KCNJ6: variants seen among roughly 807,000 people sequenced by gnomAD.
KCNJ6 encodes the protein G protein-activated inward rectifier potassium channel 2.
In KCNJ6, 9 loss-of-function variants were observed where a neutral mutation model predicts 34.2. The ratio of observed to expected loss-of-function variants is 0.26; its 90% CI spans 0.16 to 0.46. The LOEUF is 0.46. KCNJ6 is among the 20% of genes least tolerant of loss of function. The pLI is 1.00. For synonymous variants in KCNJ6, 196 were observed against 207.1 expected, an observed-to-expected ratio of 0.95 and a Z score of 0.46; for missense variants, 236 against 531.3, an observed-to-expected ratio of 0.44 and a Z score of 5.46.
At position 37,688,900 on chromosome 21, in the gene KCNJ6, G is replaced by C. The variant is rs7281030; in HGVS notation, c.946+25311C>G. 8.1e-3 allele frequency among the ~76,000 whole-genome samples: 1,236 copies of C among 152,288 alleles called. 14 individuals are homozygous for C. The highest frequency in any genetic ancestry group is 0.028 in the African/African-American group (1,150 of 41,562). ...CACATCCAAAGAGGGGATGATGGCA[G>C]TCAAATGGAACAGGTTTGAATATGT... On this transcript the variant is annotated intron_variant, in intron 3 of 3. Transcript: ENST00000609713.
chr21:37,904,066 C>A (rs374316974), intron 1 of KCNJ6, among the ~76,000 whole-genome samples: 1 of 152,178 alleles, frequency 6.6e-6, no homozygotes, highest in Non-Finnish European at 1.5e-5. Context: ...TAATTAAATT[C>A]TCCTATCCCA....
intron 1 of KCNJ6, among the ~76,000 whole-genome samples, chr21:37,896,196 C>T (rs1398013562): frequency 6.6e-6 from 1 of 152,192 alleles, no homozygotes; most frequent in Non-Finnish European, 1.5e-5. Flanking sequence ...AGAACTCACT[C>T]ACTATGGCGA....
chr21:37,725,916 T>TTTTTTTG (rs1201977481), intron 2 of KCNJ6, among the ~76,000 whole-genome samples: 4 of 152,220 alleles, frequency 2.6e-5, no homozygotes, highest in Non-Finnish European at 5.9e-5. Context: ...TTGTTTTTTG[T>TTTTTTTG]TTTTTTGAGA....
At position 37,625,182 on chromosome 21, in the gene KCNJ6, G is replaced by A; in HGVS notation, c.1249C>T (p.Leu417=). Residue 417 remains leucine (L), a synonymous_variant, in exon 4 of 4, where the codon CTG becomes TTG. Transcript: ENST00000609713. The part of the protein sequence containing the change: ...QTERNGDVAN[L]ENESKV ...CACTAAACTTTGGATTCATTCTCCA[G>A]GTTTGCCACATCACCATTTCTTTCT... is the stretch of plus-strand genomic sequence containing the variant. 1.2e-6 allele frequency: 2 copies of A among 1,614,046 alleles called. No individual in the cohort carries two copies. Among genetic ancestry groups the A allele is most frequent in the Non-Finnish European group, 1.7e-6 (2 of 1,179,924 alleles).
chr21:37,720,732 G>A (rs1291632095), intron 2 of KCNJ6, among the ~76,000 whole-genome samples: 4 of 143,642 alleles, frequency 2.8e-5, no homozygotes, highest in East Asian at 2.0e-4. Flanking sequence ...ACGGAGTCTC[G>A]CTCTGTCGCC....
At chr21:37,648,439 TC>T (rs1332696760) in intron 3 of KCNJ6, among the ~76,000 whole-genome samples, 2 of 152,220 alleles carry the variant, frequency 1.3e-5, no homozygotes, top group African/African-American at 4.8e-5. Context: ...GTTATAGACA[TC>T]AACATTTTAG....
chr21:37,624,625 G>T lies in KCNJ6; in HGVS notation c.*534C>A, dbSNP rs1304558388. On this transcript the variant is annotated 3_prime_UTR_variant, in exon 4 of 4. Coordinates refer to ENST00000609713, the MANE Select transcript of KCNJ6 (RefSeq NM_002240.5). ...TACAAAAAGAAAATAATTACATAAG[G>T]CATATATATGTACAGTGGTTTGTCT... 1 of 154,782 alleles carries T rather than the reference G, an allele frequency of 6.5e-6. No individual in the cohort carries two copies. The highest frequency in any genetic ancestry group is 1.4e-5 in the Non-Finnish European group (1 of 69,916). The allele number at this position is 154,782 out of a possible 1,614,324, so 9.6% of individuals were successfully genotyped here. A position where few individuals can be genotyped will look rare whatever the true frequency, so the allele number is the denominator to read the frequency against.
intron 1 of KCNJ6, among the ~76,000 whole-genome samples, chr21:37,895,558 G>C (rs1203782832): frequency 6.6e-6 from 1 of 152,084 alleles, no homozygotes; most frequent in South Asian, 2.1e-4. Flanking sequence ...TCATTCTTTG[G>C]AAGCACCTGA....
chr21:37,849,558 C>G (rs897758390), intron 1 of KCNJ6, among the ~76,000 whole-genome samples: 13 of 152,206 alleles, frequency 8.5e-5, no homozygotes, highest in African/African-American at 3.1e-4. Context: ...TCCCAGCTCC[C>G]CGCATTCCAT....
At chr21:37,846,428 G>A (rs1347549694) in intron 1 of KCNJ6, among the ~76,000 whole-genome samples, 1 of 150,410 alleles carries the variant, frequency 6.6e-6, no homozygotes, top group Non-Finnish European at 1.5e-5. Flanking sequence ...GGATGGGGAA[G>A]AGGAGATTGA....
intron 2 of KCNJ6, among the ~76,000 whole-genome samples, chr21:37,728,575 AT>A (rs527442798): frequency 7.2e-5 from 11 of 152,310 alleles, no homozygotes; most frequent in Non-Finnish European, 1.5e-4. Context: ...AAGAGCTACG[AT>A]GCTATAGCTC....
At position 37,809,248 on chromosome 21, in the gene KCNJ6, C is replaced by A. The variant is rs542232142; in HGVS notation, c.25+31410G>T. 2.7e-3 allele frequency among the ~76,000 whole-genome samples: 418 copies of A among 152,108 alleles called. 5 individuals are homozygous for A. The highest frequency in any genetic ancestry group is 9.5e-3 in the African/African-American group (394 of 41,474). On this transcript the variant is annotated intron_variant, in intron 2 of 3. Coordinates refer to ENST00000609713, the MANE Select transcript of KCNJ6 (RefSeq NM_002240.5). ...TAGGGACATGGATGAAACTGGAAAC[C>A]ATCATTCTCAGCAAACTATCGCAAG...
intron 2 of KCNJ6, among the ~76,000 whole-genome samples, chr21:37,831,415 A>T (rs768683641): frequency 7.2e-5 from 11 of 152,204 alleles, no homozygotes; most frequent in Non-Finnish European, 5.9e-5. Context: ...AGCCCTTCTT[A>T]GTATCCACTG....
chr21:37,832,304 T>C (rs943770228), intron 2 of KCNJ6, among the ~76,000 whole-genome samples: 29 of 151,730 alleles, frequency 1.9e-4, no homozygotes, highest in Non-Finnish European at 4.1e-4. Flanking sequence ...CACCATCTAG[T>C]GGGCCTGGAG....
At chr21:37,696,549 A>G (rs1439791098) in intron 3 of KCNJ6, among the ~76,000 whole-genome samples, 6 of 152,218 alleles carry the variant, frequency 3.9e-5, no homozygotes, top group Admixed American at 3.9e-4. Context: ...GAAGAATTCC[A>G]CTAGATAATA....
chr21:37,631,607 A>G (rs958183961), intron 3 of KCNJ6, among the ~76,000 whole-genome samples: 2 of 152,160 alleles, frequency 1.3e-5, no homozygotes, highest in Admixed American at 6.5e-5. Flanking sequence ...TGAGGAATGA[A>G]TCGTCTGAGG....
At chr21:37,786,894 A>G (rs1421685166) in intron 2 of KCNJ6, among the ~76,000 whole-genome samples, 3 of 152,190 alleles carry the variant, frequency 2.0e-5, no homozygotes. Flanking sequence ...AGTTTTAGCT[A>G]TGATTGTTTA....
At chr21:37,750,816 C>T (rs2054991689) in intron 2 of KCNJ6, among the ~76,000 whole-genome samples, 1 of 152,108 alleles carries the variant, frequency 6.6e-6, no homozygotes, top group Admixed American at 6.5e-5. Flanking sequence ...CACCATGGCA[C>T]ATGTATACCT....
rs2054561947 is a variant in KCNJ6, at chr21:37,675,741, A to G, written c.946+38470T>C. 6.6e-6 allele frequency among the ~76,000 whole-genome samples: 1 copy of G among 152,212 alleles called. No individual in the cohort carries two copies. The highest frequency in any genetic ancestry group is 1.5e-5 in the Non-Finnish European group (1 of 68,034). On this transcript the variant is annotated intron_variant, in intron 3 of 3. Coordinates refer to ENST00000609713, the MANE Select transcript of KCNJ6 (RefSeq NM_002240.5). The surrounding 1 kb of genome is among the most constrained non-coding windows in gnomAD (Gnocchi z 4.2). ...CAAGCAGGCTCTTATAGACTCTTAC[A>G]CCAAAAGAAGAATTTGGAGGTCCAC...
Sources: allele counts gnomAD v4.1 joint callset (sites outside exome capture counted in the v4.1 genomes callset), GRCh38; gene constraint gnomAD v4.1.1; non-coding constraint Gnocchi (gnomAD v3.1); transcripts MANE v1.5; gene names NCBI Gene and HGNC (gene_info 2026-07-23, HGNC 2026-07-21).